NPIPB2: variants seen among roughly 807,000 people sequenced by gnomAD.
NPIPB2 encodes nuclear pore complex interacting protein family member B2, also known as nuclear pore complex-interacting protein family member B2.
NPIPB2 carries 27 observed loss-of-function variants against 30.8 expected under a neutral mutation model. That is an observed-to-expected ratio of 0.88 (90% CI 0.65 to 1.21). NPIPB2 has a LOEUF of 1.21. Among genes scored for constraint, NPIPB2 ranks in the 50% most tolerant of loss-of-function variants. NPIPB2 has a pLI of 0.00. For missense variants in NPIPB2, 440 were observed against 446.2 expected (o/e 0.99, Z 0.13); for synonymous variants, 147 against 162.0 (o/e 0.91, Z 0.70).
chr16:11,966,470 T>C (rs2055195177), intron 1 of NPIPB2: 3 of 942,192 alleles, frequency 3.2e-6, no homozygotes, highest in Admixed American at 2.9e-5. Context: ...TAGAACATTG[T>C]TACATTAAAT....
At chr16:11,953,583 C>A (rs759928376) in intron 1 of NPIPB2, among the ~76,000 whole-genome samples, 9 of 152,138 alleles carry the variant, frequency 5.9e-5, no homozygotes, top group Non-Finnish European at 1.0e-4. Flanking sequence ...ATCTCCTGAC[C>A]TCGTGATTCA....
chr16:11,940,478 C>T (rs77162586), intron 1 of NPIPB2, among the ~76,000 whole-genome samples: 25,550 of 147,032 alleles, frequency 0.17, 3,994 homozygotes, highest in African/African-American at 0.43. Flanking sequence ...CGGTGGCTCA[C>T]GCCTGTAATC....
rs551180053 is a variant in NPIPB2 at position 11,966,063 on chromosome 16, A to G, written c.-584+10505T>C. 2.8e-5 allele frequency: 23 copies of G among 814,630 alleles called. No homozygotes were observed. The East Asian group carries it at 6.5e-4, about 23-fold the overall frequency. The allele number at this position is 814,630 out of a possible 1,614,324, so 50.5% of individuals were successfully genotyped here. On this transcript the variant is annotated intron_variant, in intron 1 of 5. Transcript: ENST00000538896. ...GAGGTGGAGGTTGCAGTGAGCCGAG[A>G]TCGCGCCACTGCACTCTAGCCTGGG...
upstream of NPIPB2, among the ~76,000 whole-genome samples, chr16:11,947,033 A>G (rs933491370): frequency 1.5e-5 from 1 of 64,546 alleles, no homozygotes; most frequent in African/African-American, 3.9e-5. Context: ...AAATTCAACT[A>G]TTTGAATTAT....
intron 1 of NPIPB2, chr16:11,965,141 T>TCGCCGTATC: frequency 1.5e-6 from 1 of 663,528 alleles, no homozygotes; most frequent in South Asian, 1.9e-5. Context: ...TTAGATGTGG[T>TCGCCGTATC]ATTCAAATCC....
intron 1 of NPIPB2, among the ~76,000 whole-genome samples, chr16:11,939,996 C>G (rs1425923697): frequency 1.4e-5 from 1 of 73,732 alleles, no homozygotes; most frequent in Non-Finnish European, 3.4e-5. Flanking sequence ...AGCAAGCTAA[C>G]CTATGATAAG....
chr16:11,960,515 C>T (rs2055145671), intron 1 of NPIPB2, among the ~76,000 whole-genome samples: 1 of 151,912 alleles, frequency 6.6e-6, no homozygotes, highest in Non-Finnish European at 1.5e-5. Flanking sequence ...CGCCACCATG[C>T]CCGGCTAATT....
At chr16:11,933,904 G>C (rs767223113) in exon 3 of NPIPB2, 15 of 1,553,582 alleles carry the variant, frequency 9.7e-6, no homozygotes, top group Middle Eastern at 2.3e-4. Context: ...CAGACTGGAA[G>C]ATAGTCTTCA....
intron 1 of NPIPB2, among the ~76,000 whole-genome samples, chr16:11,960,691 C>T (rs537576334): frequency 1.3e-5 from 2 of 151,698 alleles, no homozygotes; most frequent in South Asian, 2.1e-4. Flanking sequence ...CCTCCTCTTC[C>T]TCACCACTCC....
intron 1 of NPIPB2, among the ~76,000 whole-genome samples, chr16:11,951,346 C>A (rs542496227): frequency 2.4e-4 from 36 of 149,572 alleles, no homozygotes; most frequent in Non-Finnish European, 4.3e-4. Context: ...CACCTGTAGT[C>A]CCAGCTACTC....
chr16:11,963,178 G>A (rs1406005822), intron 1 of NPIPB2, among the ~76,000 whole-genome samples: 2 of 152,092 alleles, frequency 1.3e-5, no homozygotes, highest in African/African-American at 2.4e-5. Flanking sequence ...TCAGGAGTTC[G>A]AAACCAGCCT....
intron 1 of NPIPB2, among the ~76,000 whole-genome samples, chr16:11,972,932 G>C (rs142890348): frequency 6.6e-6 from 1 of 151,672 alleles, no homozygotes; most frequent in Non-Finnish European, 1.5e-5. Flanking sequence ...AGGCCGAGGC[G>C]GGCGGATCAC....
intron 2 of NPIPB2, among the ~76,000 whole-genome samples, chr16:11,936,297 C>A (rs117129788): frequency 2.0e-5 from 3 of 151,684 alleles, no homozygotes; most frequent in East Asian, 3.9e-4. Flanking sequence ...GAGGGAGACT[C>A]GTCTTGAGGG....
chr16:11,947,471 A>C (rs917257130), intron 1 of NPIPB2, among the ~76,000 whole-genome samples: 1 of 151,556 alleles, frequency 6.6e-6, no homozygotes, highest in African/African-American at 2.4e-5. Flanking sequence ...CAGCCTCCCG[A>C]GTAGCTAGGA....
chr16:11,953,140 C>T (rs1196760458), intron 1 of NPIPB2, among the ~76,000 whole-genome samples: 1 of 152,016 alleles, frequency 6.6e-6, no homozygotes, highest in Non-Finnish European at 1.5e-5. Context: ...ATTGAAAACC[C>T]TAATTCATTC....
intron 1 of NPIPB2, chr16:11,965,198 C>T: frequency 4.8e-6 from 6 of 1,243,982 alleles, no homozygotes; most frequent in Non-Finnish European, 6.8e-6. Flanking sequence ...ACCCACGAAG[C>T]AGGCGAAGTT....
At chr16:11,943,568 G>A (rs1226920194), upstream of NPIPB2, among the ~76,000 whole-genome samples, 2 of 150,974 alleles carry the variant, frequency 1.3e-5, no homozygotes, top group African/African-American at 4.9e-5. Context: ...CAGGCATGGT[G>A]GCACACGCCT....
Position 11,933,837 on chromosome 16 carries a change from G to A in NPIPB2, c.280C>T (p.Arg94Cys), listed in dbSNP as rs749912298. The change falls in exon 3 of 8, where the codon CGT becomes TGT. Residue 94 changes from arginine to cysteine, a missense_variant. Transcript: ENST00000399147. ...AACAGAGCCATACCTTCCTGTCTAC[G>A]GCGGTTGGACCTCCTGGCTCTCTGC... 2.4e-4 allele frequency: 382 copies of A among 1,585,866 alleles called. 4 individuals are homozygous for A. The East Asian group carries it at 8.1e-3, about 34-fold the overall frequency.
At position 11,967,786 on chromosome 16, in the gene NPIPB2, G is replaced by T. The variant is rs11570159; in HGVS notation, c.-584+8782C>A. 1.2e-6 allele frequency: 2 copies of T among 1,614,214 alleles called. No individual in the cohort carries two copies. Among genetic ancestry groups the T allele is most frequent in the South Asian group, 1.1e-5 (1 of 91,088 alleles). ...GTCACCACGAAAACGAATGACTATTGCAAGAGCCTGCCAGCTGCTTTGAGT... is the reference window on the plus strand; with the variant it reads ...GTCACCACGAAAACGAATGACTATTTCAAGAGCCTGCCAGCTGCTTTGAGT... On this transcript the variant is annotated intron_variant, in intron 1 of 5. Transcript: ENST00000538896.
Sources: allele counts gnomAD v4.1 joint callset (sites outside exome capture counted in the v4.1 genomes callset), GRCh38; gene constraint gnomAD v4.1.1; transcripts MANE v1.5; gene names NCBI Gene and HGNC (gene_info 2026-07-23, HGNC 2026-07-21).